Variants in LNPEP observed in about 807,000 individuals in gnomAD.
LNPEP encodes leucyl-cystinyl aminopeptidase.
LNPEP carries 64 observed loss-of-function variants against 120.6 expected under a neutral mutation model. The ratio of observed to expected loss-of-function variants is 0.53; its 90% confidence interval spans 0.43 to 0.65. The LOEUF (loss-of-function observed/expected upper bound fraction) is 0.65, where lower values mean the gene tolerates loss of function less well. LNPEP is among the 30% of genes least tolerant of loss of function. LNPEP has a pLI of 0.00. For synonymous variants in LNPEP, 435 were observed against 425.4 expected, an observed-to-expected ratio of 1.02 and a Z score of -0.28; for missense variants, 1,057 against 1,200.0, an observed-to-expected ratio of 0.88 and a Z score of 1.76.
At chr5:96,966,868 C>T (rs114110091) in intron 1 of LNPEP, among the ~76,000 whole-genome samples, 4,713 of 152,112 alleles carry the variant, frequency 0.031, 108 homozygotes, top group Non-Finnish European at 0.052. Flanking sequence ...CATAATTTCC[C>T]CCTCATGCCT....
intron 7 of LNPEP, among the ~76,000 whole-genome samples, chr5:96,997,172 A>G (rs901454299): frequency 6.6e-6 from 1 of 152,098 alleles, no homozygotes; most frequent in African/African-American, 2.4e-5. Context: ...AGATAATTCA[A>G]ACAATAGGTG....
chr5:97,022,884 G>A (rs1036476540), intron 14 of LNPEP, among the ~76,000 whole-genome samples: 29 of 144,312 alleles, frequency 2.0e-4, no homozygotes, highest in Admixed American at 9.3e-4. Flanking sequence ...GAGAACATGC[G>A]GTGTCAAACA....
At position 97,014,559 on chromosome 5, in the gene LNPEP, A is replaced by T. The variant is rs529025401; in HGVS notation, c.2220-380A>T. The stretch of plus-strand genomic sequence containing the variant: ...TCCCATTAAACCAACAAATAAAATT[A>T]AAAAAAGAAATCAGATACTCTCTAT... On this transcript the variant is annotated intron_variant, in intron 12 of 17. Coordinates refer to ENST00000231368, the MANE Select transcript of LNPEP (RefSeq NM_005575.3). 3.9e-3 allele frequency among the ~76,000 whole-genome samples: 570 copies of T among 146,368 alleles called. 7 individuals carry two copies. Among genetic ancestry groups the T allele is most frequent in the Admixed American group, 0.027 (410 of 15,068 alleles).
chr5:96,962,670 G>A (rs1366989546), intron 1 of LNPEP: 1 of 144,934 alleles, frequency 6.9e-6, no homozygotes, highest in Non-Finnish European at 1.5e-5. Context: ...GGCTAGTCAA[G>A]TGAAGCAATG....
At chr5:96,972,106 C>T (rs538361951) in intron 1 of LNPEP, among the ~76,000 whole-genome samples, 1 of 152,122 alleles carries the variant, frequency 6.6e-6, no homozygotes, top group Admixed American at 6.5e-5. Context: ...GTTGATTTTT[C>T]TCTCTCTGTC....
At chr5:96,941,398 G>A (rs965113895) in intron 1 of LNPEP, among the ~76,000 whole-genome samples, 1 of 152,214 alleles carries the variant, frequency 6.6e-6, no homozygotes, top group African/African-American at 2.4e-5. Flanking sequence ...GTAGGGGGCT[G>A]GAGTTGAGCT....
chr5:96,981,515 C>G (rs978863838), intron 2 of LNPEP, among the ~76,000 whole-genome samples: 2 of 152,100 alleles, frequency 1.3e-5, no homozygotes, highest in African/African-American at 4.8e-5. Context: ...AACAAGTGGC[C>G]GTACCAAAAA....
rs1457916798 is a variant in LNPEP at position 96,954,770 on chromosome 5, ATATTTT to A, written c.19+18598_19+18603del. 3.1e-3 allele frequency among the ~76,000 whole-genome samples: 92 copies of A among 29,484 alleles called. 14 individuals carry two copies. Among genetic ancestry groups the A allele is most frequent in the African/African-American group, 7.8e-3 (61 of 7,790 alleles). The allele number at this position is 29,484 out of a possible 152,430, so 19.3% of individuals were successfully genotyped here. A position where few individuals can be genotyped will look rare whatever the true frequency, so the allele number is the denominator to read the frequency against. ...TACACATATATATATATATATATAT[ATATTTT>A]TTTTTTTTTTTTTTTTTTTTTTTTG... is the stretch of plus-strand genomic sequence containing the variant. On this transcript the variant is annotated intron_variant, in intron 1 of 17. Transcript: ENST00000231368.
intron 11 of LNPEP, among the ~76,000 whole-genome samples, chr5:97,007,611 T>A: frequency 6.6e-6 from 1 of 152,208 alleles, no homozygotes; most frequent in African/African-American, 2.4e-5. Context: ...AAAACTATTC[T>A]TATGATTATT....
At chr5:97,022,064 T>C (rs1791214717) in intron 13 of LNPEP, among the ~76,000 whole-genome samples, 1 of 151,200 alleles carries the variant, frequency 6.6e-6, no homozygotes, top group Non-Finnish European at 1.5e-5. Flanking sequence ...CCTGAGTAGC[T>C]GGGATTACAG....
At chr5:96,962,518 A>T (rs888265308) in intron 1 of LNPEP, 1 of 152,200 alleles carries the variant, frequency 6.6e-6, no homozygotes, top group Non-Finnish European at 1.5e-5. Context: ...TAATATTATT[A>T]TCCCCATCTT....
At position 96,953,283 on chromosome 5, in the gene LNPEP, C is replaced by T. The variant is rs551048111; in HGVS notation, c.19+17109C>T. On this transcript the variant is annotated intron_variant, in intron 1 of 17. Coordinates refer to ENST00000231368, the MANE Select transcript of LNPEP (RefSeq NM_005575.3). ...GTTTTATGAAAGAGAGCTTGACCCTCGCATTCCTGATTAGCATTTTGTTAG... is the reference window on the plus strand; with the variant it reads ...GTTTTATGAAAGAGAGCTTGACCCTTGCATTCCTGATTAGCATTTTGTTAG... 1.9e-3 allele frequency among the ~76,000 whole-genome samples: 293 copies of T among 152,294 alleles called. 1 individual carries two copies. Among genetic ancestry groups the T allele is most frequent in the Non-Finnish European group, 3.6e-3 (246 of 68,022 alleles).
Position 96,985,170 on chromosome 5 carries a change from C to A in LNPEP, c.951C>A (p.Ile317=), listed in dbSNP as rs1415007797. The change falls in exon 3 of 18, where the codon ATC becomes ATA. Residue 317 remains isoleucine (I), a synonymous_variant. Coordinates refer to ENST00000231368, the MANE Select transcript of LNPEP (RefSeq NM_005575.3). ...DEPAFKATFI[I]KIIRDEQYTA... is the part of the protein sequence containing the mutation. ...CAGCATTTAAAGCCACTTTTATCAT[C>A]AAGATCATAAGGGATGAGCAATACA... 1.2e-6 allele frequency: 2 copies of A among 1,613,820 alleles called. No homozygotes were observed. Among genetic ancestry groups the A allele is most frequent in the South Asian group, 2.2e-5 (2 of 91,070 alleles).
intron 6 of LNPEP, among the ~76,000 whole-genome samples, chr5:96,995,717 C>T (rs774706622): frequency 1.1e-4 from 17 of 152,110 alleles, no homozygotes; most frequent in Non-Finnish European, 2.9e-5. Context: ...GAGACAGAGT[C>T]TCTCTATGTT....
At position 97,033,537 on chromosome 5, in the gene LNPEP, A is replaced by G. The variant is rs1194596632; in HGVS notation, c.*5004A>G. On this transcript the variant is annotated 3_prime_UTR_variant, in exon 18 of 18. Coordinates refer to ENST00000231368, the MANE Select transcript of LNPEP (RefSeq NM_005575.3). ...AAATTTTTTGCTAGGAGAGGTTTCA[A>G]GGTAAGAGTATATACTTTAAACATG... 1 of 152,186 alleles carries G rather than the reference A, an allele frequency of 6.6e-6. No homozygotes were observed. The highest frequency in any genetic ancestry group is 1.5e-5 in the Non-Finnish European group (1 of 68,034). The allele number at this position is 152,186 out of a possible 1,614,324, so 9.4% of individuals were successfully genotyped here. A position where few individuals can be genotyped will look rare whatever the true frequency, so the allele number is the denominator to read the frequency against.
intron 11 of LNPEP, chr5:97,010,722 C>A (rs1790905421): frequency 1.0e-6 from 1 of 985,268 alleles, no homozygotes; most frequent in Non-Finnish European, 1.2e-6. Context: ...TTTTTTGCTA[C>A]TCAATAGACT....
intron 16 of LNPEP, 119 bp from the exon 17 acceptor site, chr5:97,027,614 C>T: frequency 1.5e-6 from 1 of 646,252 alleles, no homozygotes; most frequent in South Asian, 1.9e-5. Context: ...TCCTCAGTTG[C>T]AGTTCCGGGA....
At chr5:96,939,465 C>A (rs913096859) in intron 1 of LNPEP, among the ~76,000 whole-genome samples, 2 of 152,014 alleles carry the variant, frequency 1.3e-5, no homozygotes, top group Non-Finnish European at 2.9e-5. Context: ...CCTTAGCCTC[C>A]CAAAGTACTG....
Position 96,972,261 on chromosome 5 carries a change from G to A in LNPEP, c.20-6877G>A, listed in dbSNP as rs575393287. On this transcript the variant is annotated intron_variant, in intron 1 of 17. Transcript: ENST00000231368. ...ACTTTTTCCCCTGTGGATTTTATTAGGGCTTGGTTTTAGGCTTTGTTACTA... is the reference window on the plus strand; with the variant it reads ...ACTTTTTCCCCTGTGGATTTTATTAAGGCTTGGTTTTAGGCTTTGTTACTA... Among the ~76,000 whole-genome samples the A allele has an allele frequency of 5.3e-4, 80 of 152,112 alleles. No individual in the cohort carries two copies. In the South Asian group the frequency reaches 6.8e-3, roughly 13 times the overall value.
Sources: gnomAD v4.1 joint callset for allele counts (sites outside exome capture counted in the v4.1 genomes callset) on GRCh38, gnomAD v4.1.1 for gene constraint, MANE v1.5 for transcripts, NCBI Gene and HGNC (gene_info 2026-07-23, HGNC 2026-07-21) for gene names.